KHDRBS2: variants seen among roughly 807,000 people sequenced by gnomAD.
The protein encoded by KHDRBS2 is KH RNA binding domain containing, signal transduction associated 2.
KHDRBS2 carries 26 observed loss-of-function variants against 44.3 expected under a neutral mutation model. The ratio of observed to expected loss-of-function variants is 0.59; its 90% CI spans 0.43 to 0.81. KHDRBS2 has a LOEUF of 0.81. KHDRBS2 is among the 40% of genes least tolerant of loss of function. The probability of loss-of-function intolerance (pLI) is 0.00; values close to 1 mark genes in which losing one functional copy is unlikely to be tolerated. For synonymous variants in KHDRBS2, 194 were observed against 151.1 expected (o/e 1.28, Z -2.08); for missense variants, 476 against 433.1 (o/e 1.10, Z -0.88).
the KHDRBS2 span, among the ~76,000 whole-genome samples, chr6:61,561,906 G>A: frequency 6.6e-6 from 1 of 152,236 alleles, no homozygotes; most frequent in East Asian, 1.9e-4. Flanking sequence ...TAGCCACTTA[G>A]ATACCAAGAT....
At chr6:61,545,238 G>A in the KHDRBS2 span, among the ~76,000 whole-genome samples, 1 of 151,984 alleles carries the variant, frequency 6.6e-6, no homozygotes, top group Non-Finnish European at 1.5e-5. Flanking sequence ...TTGAGGCCAG[G>A]AGTTGGAAAC....
chr6:62,088,194 G>T (rs183620759), intron 2 of KHDRBS2, among the ~76,000 whole-genome samples: 9 of 152,246 alleles, frequency 5.9e-5, no homozygotes, highest in Admixed American at 5.9e-4. Context: ...GTCTACTACT[G>T]TCAATTCGTC....
chr6:61,850,100 C>T (rs1795215033), intron 6 of KHDRBS2, among the ~76,000 whole-genome samples: 1 of 151,972 alleles, frequency 6.6e-6, no homozygotes, highest in Admixed American at 6.6e-5. Flanking sequence ...ACTTGTTAAC[C>T]CTCCATCTTT....
intron 4 of KHDRBS2, among the ~76,000 whole-genome samples, chr6:61,935,539 T>C (rs1174852196): frequency 6.6e-6 from 1 of 152,128 alleles, no homozygotes; most frequent in Non-Finnish European, 1.5e-5. Flanking sequence ...CCCAAACAAT[T>C]ACAGTCACAG....
intron 1 of KHDRBS2, among the ~76,000 whole-genome samples, chr6:62,202,181 G>A (rs978739483): frequency 6.6e-5 from 10 of 151,984 alleles, no homozygotes; most frequent in African/African-American, 9.7e-5. Context: ...TTTAAAACAC[G>A]TTATACCATT....
At chr6:61,791,034 T>C (rs937697638) in intron 6 of KHDRBS2, among the ~76,000 whole-genome samples, 6 of 151,486 alleles carry the variant, frequency 4.0e-5, no homozygotes, top group African/African-American at 1.2e-4. Context: ...AATCTAAATT[T>C]TCATATTTAT....
chr6:61,862,302 C>A (rs1299698927), intron 6 of KHDRBS2, among the ~76,000 whole-genome samples: 1 of 152,060 alleles, frequency 6.6e-6, no homozygotes, highest in Non-Finnish European at 1.5e-5. Flanking sequence ...TATTTGTATA[C>A]CCTTTATTTC....
chr6:61,855,462 T>A (rs1244046556), intron 6 of KHDRBS2, among the ~76,000 whole-genome samples: 1 of 146,676 alleles, frequency 6.8e-6, no homozygotes, highest in Non-Finnish European at 1.5e-5. Flanking sequence ...TCTTTGAGAA[T>A]GAACTAATTT....
At chr6:61,867,026 GCCTGTTAC>G (rs1797899546) in intron 6 of KHDRBS2, among the ~76,000 whole-genome samples, 1 of 152,126 alleles carries the variant, frequency 6.6e-6, no homozygotes, top group Admixed American at 6.5e-5. Context: ...TCCAACCACT[GCCTGTTAC>G]CCAGTTCCAA....
chr6:61,979,544 T>C (rs1317717312), intron 3 of KHDRBS2, among the ~76,000 whole-genome samples: 1 of 152,094 alleles, frequency 6.6e-6, no homozygotes, highest in African/African-American at 2.4e-5. Context: ...GAAGGATCCA[T>C]GAAAGAGATG....
chr6:61,774,828 G>T (rs1027660780), intron 6 of KHDRBS2, among the ~76,000 whole-genome samples: 30 of 152,000 alleles, frequency 2.0e-4, no homozygotes, highest in Non-Finnish European at 3.5e-4. Flanking sequence ...GCCTGGCAGA[G>T]ACACAACCAA....
the KHDRBS2 span, among the ~76,000 whole-genome samples, chr6:61,604,748 C>T: frequency 6.6e-6 from 1 of 152,148 alleles, no homozygotes; most frequent in Non-Finnish European, 1.5e-5. Flanking sequence ...TACTTACATG[C>T]CCTGAGTCAG....
intron 4 of KHDRBS2, among the ~76,000 whole-genome samples, chr6:61,904,770 A>G (rs1215976547): frequency 6.6e-6 from 1 of 152,170 alleles, no homozygotes; most frequent in Non-Finnish European, 1.5e-5. Flanking sequence ...CAGACATTGT[A>G]GGGTGAGGGG....
At chr6:62,038,420 A>G (rs1405943671) in intron 3 of KHDRBS2, among the ~76,000 whole-genome samples, 1 of 151,928 alleles carries the variant, frequency 6.6e-6, no homozygotes, top group Non-Finnish European at 1.5e-5. Context: ...GATTGTGAAG[A>G]GCCCAAATAA....
intron 4 of KHDRBS2, among the ~76,000 whole-genome samples, chr6:61,967,010 T>G (rs2127396563): frequency 6.6e-6 from 1 of 151,094 alleles, no homozygotes; most frequent in Admixed American, 6.6e-5. Context: ...TTTTATACAC[T>G]GAGATCTACA....
intron 3 of KHDRBS2, among the ~76,000 whole-genome samples, chr6:62,012,528 T>C (rs1439175373): frequency 1.3e-5 from 2 of 152,210 alleles, no homozygotes; most frequent in Non-Finnish European, 2.9e-5. Context: ...CGGCCTATTT[T>C]ATCTAGATAC....
the KHDRBS2 span, among the ~76,000 whole-genome samples, chr6:61,564,442 A>T: frequency 6.6e-6 from 1 of 152,114 alleles, no homozygotes; most frequent in Non-Finnish European, 1.5e-5. Context: ...CCACATTTAC[A>T]TAATAGCTTC....
intron 7 of KHDRBS2, among the ~76,000 whole-genome samples, chr6:61,699,657 T>C (rs1322783612): frequency 2.0e-5 from 3 of 151,934 alleles, no homozygotes; most frequent in Non-Finnish European, 4.4e-5. Flanking sequence ...TTTAAGTACT[T>C]TTGATTTTAT....
At chr6:62,117,865 T>G (rs2150080021) in intron 2 of KHDRBS2, among the ~76,000 whole-genome samples, 1 of 152,278 alleles carries the variant, frequency 6.6e-6, no homozygotes, top group Non-Finnish European at 1.5e-5. Flanking sequence ...AACCTCTGCC[T>G]CCTCGGTTTA....
Sources: gnomAD v4.1 joint callset for allele counts (sites outside exome capture counted in the v4.1 genomes callset) on GRCh38, gnomAD v4.1.1 for gene constraint, MANE v1.5 for transcripts, NCBI Gene and HGNC (gene_info 2026-07-23, HGNC 2026-07-21) for gene names.